The following CSMD1 variants were observed in gnomAD, a reference collection of about 807,000 sequenced individuals.
The protein encoded by CSMD1 is CUB and sushi domain-containing protein 1.
Under a neutral mutation model 417.5 loss-of-function variants are expected in CSMD1, and 213 were observed. The observed-to-expected ratio is 0.51, with a 90% confidence interval of 0.46 to 0.57. The LOEUF (loss-of-function observed/expected upper bound fraction) is 0.57, where lower values mean the gene tolerates loss of function less well. CSMD1 is among the 20% of genes least tolerant of loss of function. The pLI is 0.00. For synonymous variants in CSMD1, 2,862 were observed against 1,736.8 expected, an observed-to-expected ratio of 1.65 and a Z score of -16.11; for missense variants, 6,923 against 4,529.7, an observed-to-expected ratio of 1.53 and a Z score of -15.17.
At chr8:4,071,829 G>C (rs1002850151) in intron 3 of CSMD1, among the ~76,000 whole-genome samples, 1 of 152,116 alleles carries the variant, frequency 6.6e-6, no homozygotes, top group Non-Finnish European at 1.5e-5. Flanking sequence ...CCTGTTGTGG[G>C]GGGGTGGTGT....
chr8:4,120,273 G>C (rs35294570), intron 3 of CSMD1, among the ~76,000 whole-genome samples: 1 of 150,256 alleles, frequency 6.7e-6, no homozygotes, highest in Admixed American at 6.6e-5. Context: ...GGGTAAAGAA[G>C]GGTTTTCACC....
chr8:3,628,408 G>C (rs766719540), intron 7 of CSMD1, among the ~76,000 whole-genome samples: 36 of 152,170 alleles, frequency 2.4e-4, no homozygotes, highest in Non-Finnish European at 4.0e-4. Flanking sequence ...TGGGGACTTG[G>C]CCCAAATAGG....
intron 1 of CSMD1, among the ~76,000 whole-genome samples, chr8:4,721,217 A>G (rs1040782203): frequency 6.6e-6 from 1 of 152,172 alleles, no homozygotes; most frequent in Non-Finnish European, 1.5e-5. Flanking sequence ...AATTTACTGA[A>G]ACATAGGAAT....
At chr8:4,212,609 A>C (rs772372424) in intron 3 of CSMD1, among the ~76,000 whole-genome samples, 2 of 152,134 alleles carry the variant, frequency 1.3e-5, no homozygotes, top group African/African-American at 4.8e-5. Context: ...GTAGTTATCT[A>C]AACAATGATC....
chr8:3,332,399 G>C (rs1167499417), intron 23 of CSMD1, among the ~76,000 whole-genome samples: 1 of 152,214 alleles, frequency 6.6e-6, no homozygotes, highest in African/African-American at 2.4e-5. Context: ...TCTCCAGGTG[G>C]GGCCTGAATT....
chr8:3,458,080 A>T (rs546851793), intron 12 of CSMD1, among the ~76,000 whole-genome samples: 5 of 152,208 alleles, frequency 3.3e-5, no homozygotes, highest in Admixed American at 6.5e-5. Flanking sequence ...TCTCCCAGGA[A>T]GTTTGCTCTA....
chr8:3,468,114 A>G (rs1381520492), intron 12 of CSMD1, among the ~76,000 whole-genome samples: 1 of 152,224 alleles, frequency 6.6e-6, no homozygotes, highest in African/African-American at 2.4e-5. Flanking sequence ...ATACTGAAAT[A>G]AACTTGCTAA....
At chr8:3,692,007 G>A (rs572529020) in intron 7 of CSMD1, among the ~76,000 whole-genome samples, 33 of 152,264 alleles carry the variant, frequency 2.2e-4, no homozygotes, top group Non-Finnish European at 1.3e-4. Context: ...AGGATGCTGG[G>A]CATCTGGTCT....
At chr8:4,748,476 G>C (rs551013169) in intron 1 of CSMD1, among the ~76,000 whole-genome samples, 1 of 152,196 alleles carries the variant, frequency 6.6e-6, no homozygotes, top group African/African-American at 2.4e-5. Flanking sequence ...TGGAAAGTGT[G>C]GCTGGCTGTG....
At chr8:4,271,089 C>G (rs929598831) in intron 3 of CSMD1, among the ~76,000 whole-genome samples, 1 of 152,194 alleles carries the variant, frequency 6.6e-6, no homozygotes, top group Non-Finnish European at 1.5e-5. Flanking sequence ...TTGAAGCTTT[C>G]AAAGTCCACT....
intron 2 of CSMD1, among the ~76,000 whole-genome samples, chr8:4,545,720 G>C (rs772099084): frequency 7.2e-5 from 11 of 152,222 alleles, no homozygotes; most frequent in Middle Eastern, 3.4e-3. Context: ...CCAACGGATA[G>C]CAAATTCCTC....
At chr8:4,572,042 C>G (rs1026236030) in intron 2 of CSMD1, among the ~76,000 whole-genome samples, 1 of 152,196 alleles carries the variant, frequency 6.6e-6, no homozygotes, top group Non-Finnish European at 1.5e-5. Flanking sequence ...CTGAATACAG[C>G]ACACCGATGG....
intron 6 of CSMD1, among the ~76,000 whole-genome samples, chr8:3,748,744 C>T (rs1220058168): frequency 6.6e-6 from 1 of 152,140 alleles, no homozygotes; most frequent in African/African-American, 2.4e-5. Flanking sequence ...ACTCAAAATG[C>T]CTTTCTAATA....
intron 2 of CSMD1, among the ~76,000 whole-genome samples, chr8:4,635,408 TACCATAAG>T (rs1802763820): frequency 6.6e-6 from 1 of 152,072 alleles, no homozygotes; most frequent in Admixed American, 6.6e-5. Context: ...ATCATAATAG[TACCATAAG>T]ACCATAAGAG....
At chr8:4,272,046 TAA>T (rs1804633603) in intron 3 of CSMD1, among the ~76,000 whole-genome samples, 2 of 152,154 alleles carry the variant, frequency 1.3e-5, no homozygotes, top group South Asian at 4.1e-4. Context: ...AAATTGCATG[TAA>T]GTAGACCTGT....
chr8:4,184,551 G>C lies in CSMD1; in HGVS notation c.416-152452C>G, dbSNP rs138376268. On this transcript the variant is annotated intron_variant, in intron 3 of 69. Transcript: ENST00000635120. ...CAGCCATAAAAAAGGACAAGATTATGTCCTTTGCATGAGCATGGATGGAGC... is the reference window on the plus strand; with the variant it reads ...CAGCCATAAAAAAGGACAAGATTATCTCCTTTGCATGAGCATGGATGGAGC... 1.6e-3 allele frequency among the ~76,000 whole-genome samples: 243 copies of C among 152,190 alleles called. 2 individuals are homozygous for C. The highest frequency in any genetic ancestry group is 5.8e-3 in the African/African-American group (240 of 41,530).
At chr8:4,293,313 C>A (rs1051647927) in intron 3 of CSMD1, among the ~76,000 whole-genome samples, 8 of 152,190 alleles carry the variant, frequency 5.3e-5, no homozygotes, top group African/African-American at 1.7e-4. Context: ...CAATGAGAAA[C>A]TGACGATGCT....
At chr8:4,223,086 C>G (rs1801136890) in intron 3 of CSMD1, among the ~76,000 whole-genome samples, 1 of 152,046 alleles carries the variant, frequency 6.6e-6, no homozygotes, top group African/African-American at 2.4e-5. Flanking sequence ...AGCTGGTTCC[C>G]TCCCGCCCTG....
intron 1 of CSMD1, among the ~76,000 whole-genome samples, chr8:4,803,495 T>C (rs1208860855): frequency 6.6e-6 from 1 of 152,182 alleles, no homozygotes; most frequent in Non-Finnish European, 1.5e-5. Context: ...TAGGTTGGAA[T>C]CTGCCCGACA....
Sources: allele counts gnomAD v4.1 joint callset (sites outside exome capture counted in the v4.1 genomes callset), GRCh38; gene constraint gnomAD v4.1.1; transcripts MANE v1.5; gene names NCBI Gene and HGNC (gene_info 2026-07-23, HGNC 2026-07-21).